The following ELOVL7 variants were observed in gnomAD, a reference collection of about 807,000 sequenced individuals.
ELOVL7 encodes very long chain fatty acid elongase 7.
A neutral mutation model predicts 35.7 loss-of-function variants in ELOVL7; 27 were observed. That is an observed-to-expected ratio of 0.76 (90% CI 0.56 to 1.04). The LOEUF is 1.04. ELOVL7 is among the 50% of genes least tolerant of loss of function. The probability of loss-of-function intolerance (pLI) is 0.00; values close to 1 mark genes in which losing one functional copy is unlikely to be tolerated. For missense variants in ELOVL7, 327 were observed against 340.8 expected, an observed-to-expected ratio of 0.96 and a Z score of 0.32; for synonymous variants, 113 against 114.6, an observed-to-expected ratio of 0.99 and a Z score of 0.09.
At chr5:60,813,674 G>GA (rs1745362448) in intron 1 of ELOVL7, among the ~76,000 whole-genome samples, 1 of 151,748 alleles carries the variant, frequency 6.6e-6, no homozygotes, top group South Asian at 2.1e-4. Flanking sequence ...CAGAAACAGG[G>GA]ATTGTTACTT....
chr5:60,771,931 A>G lies in ELOVL7; in HGVS notation c.227T>C (p.Val76Ala), dbSNP rs1215095198. 2.5e-6 allele frequency: 4 copies of G among 1,613,092 alleles called. No individual in the cohort carries two copies. Among genetic ancestry groups the G allele is most frequent in the Non-Finnish European group, 3.4e-6 (4 of 1,179,564 alleles). Reference sequence around the variant, plus strand: ...ATAACACATATACACAGAAAAGAGTACTATGAAAAAATTGTACGTTATCAT... The same window carrying G: ...ATAACACATATACACAGAAAAGAGTGCTATGAAAAAATTGTACGTTATCAT... ...KAMITYNFFI[V>A]LFSVYMCYEF... Residue 76 changes from valine to alanine, a missense_variant, in exon 4 of 9, where the codon GTA becomes GCA. Val to Ala is a moderately conservative substitution (Grantham distance 64). Coordinates refer to ENST00000508821, the MANE Select transcript of ELOVL7 (RefSeq NM_024930.3).
chr5:60,788,953 C>T (rs906949890), intron 2 of ELOVL7, among the ~76,000 whole-genome samples: 2 of 152,056 alleles, frequency 1.3e-5, no homozygotes, highest in African/African-American at 4.8e-5. Flanking sequence ...AATTACCAGA[C>T]ATTAATCACT....
intron 3 of ELOVL7, among the ~76,000 whole-genome samples, chr5:60,783,374 A>G (rs1743375970): frequency 6.6e-6 from 1 of 152,224 alleles, no homozygotes; most frequent in South Asian, 2.1e-4. Context: ...CAAATAAAAT[A>G]CAAAATCATT....
chr5:60,827,582 G>T (rs1746243006), intron 1 of ELOVL7, among the ~76,000 whole-genome samples: 1 of 152,056 alleles, frequency 6.6e-6, no homozygotes, highest in African/African-American at 2.4e-5. Flanking sequence ...TGGTTATTCT[G>T]GCTGGCTTTA....
At chr5:60,767,729 T>C in intron 5 of ELOVL7, 94 bp downstream of exon 5, 1 of 828,080 alleles carries the variant, frequency 1.2e-6, no homozygotes. Flanking sequence ...AACTGAGTCA[T>C]CTGCTTATTC....
chr5:60,763,190 A>G (rs2112145970), intron 7 of ELOVL7, among the ~76,000 whole-genome samples: 1 of 152,346 alleles, frequency 6.6e-6, no homozygotes, highest in South Asian at 2.1e-4. Context: ...GGTACTTTAC[A>G]TCCTGGAAAA....
intron 1 of ELOVL7, among the ~76,000 whole-genome samples, chr5:60,809,202 T>G (rs1325711470): frequency 6.6e-6 from 1 of 152,190 alleles, no homozygotes; most frequent in African/African-American, 2.4e-5. Flanking sequence ...AGATGACAAC[T>G]GGTATTGGTA....
intron 7 of ELOVL7, among the ~76,000 whole-genome samples, chr5:60,761,886 G>A (rs1298768143): frequency 6.6e-6 from 1 of 152,026 alleles, no homozygotes; most frequent in Non-Finnish European, 1.5e-5. Context: ...GGGCAAATGG[G>A]CCTGCGGCAT....
At chr5:60,758,384 T>C (rs754142872) in intron 7 of ELOVL7, among the ~76,000 whole-genome samples, 8 of 152,216 alleles carry the variant, frequency 5.3e-5, no homozygotes, top group Non-Finnish European at 1.5e-5. Context: ...TTTTTATATG[T>C]CATTGTGTGC....
chr5:60,789,102 GT>G (rs1209900265), intron 2 of ELOVL7, among the ~76,000 whole-genome samples: 4 of 152,190 alleles, frequency 2.6e-5, no homozygotes, highest in Non-Finnish European at 5.9e-5. Context: ...AGATGACATA[GT>G]AGAAGACTTT....
At chr5:60,826,995 C>A (rs1439182207) in intron 1 of ELOVL7, among the ~76,000 whole-genome samples, 1 of 152,100 alleles carries the variant, frequency 6.6e-6, no homozygotes, top group African/African-American at 2.4e-5. Context: ...TTCTCTTTAA[C>A]AAATTAAACA....
chr5:60,826,368 T>C (rs1328936588), intron 1 of ELOVL7, among the ~76,000 whole-genome samples: 1 of 152,030 alleles, frequency 6.6e-6, no homozygotes, highest in Non-Finnish European at 1.5e-5. Flanking sequence ...TATCTGTGAT[T>C]CTGATTTTTT....
chr5:60,799,228 T>A lies in ELOVL7; in HGVS notation c.-83A>T, dbSNP rs1350563446. On this transcript the variant is annotated splice_region_variant and 5_prime_UTR_variant, in exon 2 of 9. Coordinates refer to ENST00000508821, the MANE Select transcript of ELOVL7 (RefSeq NM_024930.3). ...AGCAGTTCTAAGAGGGAAGTTTAAA[T>A]GCCTATAATAGAAAAGAAAAAAAAC... 2 of 151,862 alleles carry A rather than the reference T, an allele frequency of 1.3e-5. No individual in the cohort carries two copies. The highest frequency in any genetic ancestry group is 2.4e-5 in the African/African-American group (1 of 41,378). The allele number at this position is 151,862 out of a possible 1,614,324, so 9.4% of individuals were successfully genotyped here.
rs770101011 is a variant in ELOVL7 at position 60,766,561 on chromosome 5, G to A, written c.393+13C>T. ...GATCAAACATTTACCAAATGTGGTG[G>A]CCATATACTCACCGTATCTAATAGC... On this transcript the variant is annotated intron_variant, in intron 6 of 8. Transcript: ENST00000508821. The A allele has an allele frequency of 3.1e-6, 5 of 1,603,314 alleles. No homozygotes were observed. Among genetic ancestry groups the A allele is most frequent in the African/African-American group, 2.7e-5 (2 of 74,592 alleles).
intron 1 of ELOVL7, among the ~76,000 whole-genome samples, chr5:60,821,438 C>G (rs1205000223): frequency 2.0e-5 from 3 of 152,238 alleles, no homozygotes. Context: ...TATCCTCCAA[C>G]TCAGCAAGCC....
chr5:60,840,180 T>C (rs1747081931), intron 1 of ELOVL7, among the ~76,000 whole-genome samples: 1 of 152,194 alleles, frequency 6.6e-6, no homozygotes, highest in Non-Finnish European at 1.5e-5. Context: ...GGTTGAATTG[T>C]GTGCCCCAAA....
intron 1 of ELOVL7, among the ~76,000 whole-genome samples, chr5:60,822,922 C>T (rs1464098490): frequency 1.3e-5 from 2 of 152,170 alleles, no homozygotes; most frequent in African/African-American, 4.8e-5. Flanking sequence ...CAAATTCAGC[C>T]AACCTGGAAG....
At chr5:60,792,076 G>A (rs917561594) in intron 2 of ELOVL7, among the ~76,000 whole-genome samples, 5 of 152,044 alleles carry the variant, frequency 3.3e-5, no homozygotes, top group South Asian at 2.1e-4. Flanking sequence ...AGACTGAGAC[G>A]AAGGAAGGAG....
intron 2 of ELOVL7, 79 bp from the exon 3 acceptor site, chr5:60,787,510 A>C: frequency 1.3e-6 from 1 of 748,132 alleles, no homozygotes; most frequent in Non-Finnish European, 2.0e-6. Flanking sequence ...ACATTATTTA[A>C]AATGCTAAAA....
Sources: allele counts gnomAD v4.1 joint callset (sites outside exome capture counted in the v4.1 genomes callset), GRCh38; gene constraint gnomAD v4.1.1; transcripts MANE v1.5; gene names NCBI Gene and HGNC (gene_info 2026-07-23, HGNC 2026-07-21).